HRH2: variants seen among roughly 807,000 people sequenced by gnomAD.
The protein encoded by HRH2 is histamine H2 receptor.
HRH2 carries 4 observed loss-of-function variants against 20.1 expected under a neutral mutation model. The ratio of observed to expected loss-of-function variants is 0.20; its 90% CI spans 0.10 to 0.45. The LOEUF (loss-of-function observed/expected upper bound fraction) is 0.45. Among genes scored for constraint, HRH2 ranks in the 20% least tolerant of loss-of-function variants. The pLI is 0.99. For missense variants in HRH2, 250 were observed against 461.6 expected (o/e 0.54, Z 4.20); for synonymous variants, 197 against 200.7 (o/e 0.98, Z 0.16).
chr5:175,688,248 C>T (rs1329936091), intron 2 of HRH2, among the ~76,000 whole-genome samples: 1 of 152,210 alleles, frequency 6.6e-6, no homozygotes, highest in Non-Finnish European at 1.5e-5. Flanking sequence ...TCCCTTTTGC[C>T]GCGTAAGGTA....
In HRH2 at chr5:175,681,447, A is replaced by T. The variant is rs1755969085; in HGVS notation, c.-525-1262A>T. ...GTTCCGCCATCAACTCGATTTCTGC[A>T]CACACTCAGAGCTCAGGAGATTGCC... On this transcript the variant is annotated intron_variant, in intron 1 of 2. Coordinates refer to ENST00000636584, the MANE Select transcript of HRH2 (RefSeq NM_001367711.1). The surrounding 1 kb of genome is among the most constrained non-coding windows in gnomAD (Gnocchi z 4.3). Among the ~76,000 whole-genome samples the T allele has an allele frequency of 6.6e-6, 1 of 152,168 alleles. No homozygotes were observed. Among genetic ancestry groups the T allele is most frequent in the South Asian group, 2.1e-4 (1 of 4,826 alleles).
At chr5:175,669,363 T>TC (rs1463547328) in intron 1 of HRH2, among the ~76,000 whole-genome samples, 2 of 141,186 alleles carry the variant, frequency 1.4e-5, no homozygotes, top group East Asian at 3.9e-4. Flanking sequence ...TTTCTTTCTT[T>TC]CTTTTTTTTT....
intron 1 of HRH2, among the ~76,000 whole-genome samples, chr5:175,678,872 C>T (rs998504848): frequency 6.6e-6 from 1 of 152,172 alleles, no homozygotes; most frequent in Non-Finnish European, 1.5e-5. Context: ...TCTCACTTCC[C>T]GCTGAAGAGG....
chr5:175,702,608 G>A (rs1182342132), intron 2 of HRH2, among the ~76,000 whole-genome samples: 1 of 137,518 alleles, frequency 7.3e-6, no homozygotes, highest in Non-Finnish European at 1.5e-5. Flanking sequence ...CTGGAGTGCA[G>A]TGACGCGATC....
rs143167989 is a variant in HRH2, at chr5:175,667,017, C to CATATATATATAT, written c.-526+8865_-526+8876dup. Among the ~76,000 whole-genome samples the CATATATATATAT allele has an allele frequency of 4.0e-3, 608 of 150,382 alleles. 5 individuals carry two copies. Among genetic ancestry groups the CATATATATATAT allele is most frequent in the African/African-American group, 0.014 (585 of 40,740 alleles). On this transcript the variant is annotated intron_variant, in intron 1 of 2. Transcript: ENST00000636584. The stretch of plus-strand genomic sequence containing the variant: ...CAGGTTTTCTTTTTGCAAATAAAGG[C>CATATATATATAT]ATATATATATATATGTAATGTATAG...
intron 1 of HRH2, among the ~76,000 whole-genome samples, chr5:175,675,557 T>G (rs1017777119): frequency 3.9e-5 from 6 of 152,156 alleles, no homozygotes; most frequent in African/African-American, 1.2e-4. Context: ...GTGCAATGAT[T>G]GAGAGGAGAG....
intron 2 of HRH2, among the ~76,000 whole-genome samples, chr5:175,705,413 C>T (rs1451869223): frequency 9.2e-5 from 14 of 152,110 alleles, no homozygotes; most frequent in African/African-American, 3.1e-4. Flanking sequence ...GTAAAAAACT[C>T]GAAACAATCC....
intron 2 of HRH2, chr5:175,685,308 TG>T: frequency 8.9e-7 from 1 of 1,123,926 alleles, no homozygotes; most frequent in Non-Finnish European, 1.3e-6. Context: ...CTTACTGGTC[TG>T]GGCTTTAGCT....
chr5:175,693,029 G>A lies in HRH2; in HGVS notation c.1076+8720G>A, dbSNP rs577217139. 6.6e-6 allele frequency among the ~76,000 whole-genome samples: 1 copy of A among 152,290 alleles called. No individual in the cohort carries two copies. The highest frequency in any genetic ancestry group is 1.9e-4 in the East Asian group (1 of 5,180). ...GAGAGAGCCCCAGCCATGGGGAGAG[G>A]AGACCAGACCAGACTTTCTCATTCC... On this transcript the variant is annotated intron_variant, in intron 2 of 2. Coordinates refer to ENST00000636584, the MANE Select transcript of HRH2 (RefSeq NM_001367711.1). The surrounding 1 kb of genome is among the most constrained non-coding windows in gnomAD (Gnocchi z 4.4).
chr5:175,698,448 G>A (rs1489400252), intron 2 of HRH2, among the ~76,000 whole-genome samples: 1 of 152,148 alleles, frequency 6.6e-6, no homozygotes, highest in Non-Finnish European at 1.5e-5. Flanking sequence ...TTCATGGTCT[G>A]TTAAACGCAC....
At chr5:175,688,404 C>T (rs746891478) in intron 2 of HRH2, among the ~76,000 whole-genome samples, 11 of 152,188 alleles carry the variant, frequency 7.2e-5, no homozygotes, top group Non-Finnish European at 1.5e-4. Flanking sequence ...AGCCACCATC[C>T]TCTGCCCCAG....
intron 1 of HRH2, among the ~76,000 whole-genome samples, chr5:175,679,302 C>G (rs922056566): frequency 6.6e-6 from 1 of 152,082 alleles, no homozygotes; most frequent in African/African-American, 2.4e-5. Context: ...TAAAAAAACA[C>G]CCCCTTTCTG....
chr5:175,670,185 C>A (rs908927226), intron 1 of HRH2, among the ~76,000 whole-genome samples: 1 of 152,176 alleles, frequency 6.6e-6, no homozygotes. Context: ...GTAATCCCAG[C>A]TACTCAGGGA....
intron 2 of HRH2, among the ~76,000 whole-genome samples, chr5:175,700,129 A>G (rs1049974815): frequency 2.6e-5 from 4 of 152,170 alleles, no homozygotes; most frequent in Non-Finnish European, 4.4e-5. Flanking sequence ...ACCTCCTCCT[A>G]TTCACTCCTA....
rs181888576 is a variant in HRH2 at position 175,683,237 on chromosome 5, G to A, written c.4G>A (p.Ala2Thr). 6.2e-7 allele frequency: 1 copy of A among 1,613,166 alleles called. No homozygotes were observed. Among genetic ancestry groups the A allele is most frequent in the East Asian group, 2.2e-5 (1 of 44,866 alleles). The part of the protein sequence containing the change: M[A>T]PNGTASSFCL... ...GACTGAGCCGTAGAGTCCCAGGATG[G>A]CACCCAATGGCACAGCCTCTTCCTT... The change falls in exon 2 of 3, where the codon GCA becomes ACA. Residue 2 changes from alanine to threonine, a missense_variant. Coordinates refer to ENST00000636584, the MANE Select transcript of HRH2 (RefSeq NM_001367711.1).
intron 1 of HRH2, among the ~76,000 whole-genome samples, chr5:175,674,010 A>G (rs1463946568): frequency 6.6e-6 from 1 of 152,082 alleles, no homozygotes; most frequent in South Asian, 2.1e-4. Flanking sequence ...CAGCCACCTC[A>G]ATTTTCTTTT....
intron 1 of HRH2, among the ~76,000 whole-genome samples, chr5:175,669,609 C>T (rs1263067491): frequency 1.3e-5 from 2 of 152,160 alleles, no homozygotes; most frequent in African/African-American, 4.8e-5. Flanking sequence ...AGCGATCCAC[C>T]CACCTCGGCC....
intron 2 of HRH2, among the ~76,000 whole-genome samples, chr5:175,698,919 C>T (rs1410439815): frequency 2.6e-5 from 4 of 152,236 alleles, no homozygotes; most frequent in Admixed American, 2.0e-4. Flanking sequence ...GCAACCTGCT[C>T]ACGCTGCCTG....
At chr5:175,688,543 G>C (rs1018295088) in intron 2 of HRH2, among the ~76,000 whole-genome samples, 1 of 152,246 alleles carries the variant, frequency 6.6e-6, no homozygotes, top group African/African-American at 2.4e-5. Context: ...TCTACAGCAG[G>C]CGTTGTCACG....
Sources: gnomAD v4.1 joint callset for allele counts (sites outside exome capture counted in the v4.1 genomes callset) on GRCh38, gnomAD v4.1.1 for gene constraint, Gnocchi (gnomAD v3.1) non-coding constraint, MANE v1.5 for transcripts, NCBI Gene and HGNC (gene_info 2026-07-23, HGNC 2026-07-21) for gene names.